Variants in SMAD1 observed in about 807,000 individuals in gnomAD.
SMAD1 encodes the protein MAD, mothers against decapentaplegic homolog 1.
In SMAD1, 6 loss-of-function variants were observed where a neutral mutation model predicts 41.6. That is an observed-to-expected ratio of 0.14 (90% CI 0.08 to 0.28). The LOEUF is 0.28. Ranked by LOEUF, SMAD1 falls within the 10% of genes least tolerant of loss-of-function variation. The pLI is 1.00. For synonymous variants in SMAD1, 206 were observed against 203.2 expected (o/e 1.01, Z -0.12); for missense variants, 379 against 582.6 (o/e 0.65, Z 3.60).
intron 1 of SMAD1, among the ~76,000 whole-genome samples, chr4:145,494,170 C>T (rs1479023304): frequency 6.6e-6 from 1 of 152,166 alleles, no homozygotes; most frequent in African/African-American, 2.4e-5. Context: ...CCATGTTGGC[C>T]AGGCTGGTCT....
chr4:145,524,696 A>T (rs980219352), intron 2 of SMAD1, among the ~76,000 whole-genome samples: 11 of 152,160 alleles, frequency 7.2e-5, no homozygotes, highest in Non-Finnish European at 1.3e-4. Context: ...CAGATCTTTC[A>T]GATTCATTTA....
At chr4:145,522,452 T>C (rs962126107) in intron 2 of SMAD1, among the ~76,000 whole-genome samples, 5 of 151,574 alleles carry the variant, frequency 3.3e-5, no homozygotes, top group Non-Finnish European at 5.9e-5. Flanking sequence ...AAATACAAAA[T>C]TAGCCCACGT....
At chr4:145,484,104 G>A (rs1270709148) in intron 1 of SMAD1, among the ~76,000 whole-genome samples, 3 of 151,956 alleles carry the variant, frequency 2.0e-5, no homozygotes, top group Non-Finnish European at 1.5e-5. Context: ...AGCAATTCTG[G>A]GTTAAATATT....
intron 2 of SMAD1, among the ~76,000 whole-genome samples, 159 bp downstream of exon 2, chr4:145,515,172 G>GTGTGTC (rs1730312389): frequency 6.6e-6 from 1 of 150,718 alleles, no homozygotes; most frequent in African/African-American, 2.5e-5. Flanking sequence ...GTGTGTGTGT[G>GTGTGTC]TGTGTCTGTG....
intron 6 of SMAD1, among the ~76,000 whole-genome samples, chr4:145,555,382 G>A (rs1230895236): frequency 2.0e-5 from 3 of 152,132 alleles, no homozygotes; most frequent in African/African-American, 7.2e-5. Flanking sequence ...GAGTCGAGAT[G>A]CGGTTTCCAG....
chr4:145,540,144 A>G (rs770506073), intron 3 of SMAD1, 83 bp downstream of exon 3: 1 of 1,522,616 alleles, frequency 6.6e-7, no homozygotes, highest in East Asian at 2.3e-5. Flanking sequence ...GTCAACCTGC[A>G]GTGGAGGGAG....
At chr4:145,485,419 G>A (rs1258841191) in intron 1 of SMAD1, among the ~76,000 whole-genome samples, 6 of 152,272 alleles carry the variant, frequency 3.9e-5, no homozygotes, top group African/African-American at 1.4e-4. Flanking sequence ...ATAAAAATTC[G>A]TTTTCTCAGC....
intron 1 of SMAD1, among the ~76,000 whole-genome samples, chr4:145,502,523 A>T (rs940807096): frequency 6.6e-6 from 1 of 152,240 alleles, no homozygotes; most frequent in Non-Finnish European, 1.5e-5. Flanking sequence ...TGTGATTAAG[A>T]AAAATTAACC....
Position 145,540,900 on chromosome 4 carries a change from A to T in SMAD1, c.658+839A>T, listed in dbSNP as rs138880267. Among the ~76,000 whole-genome samples, 711 of 152,288 alleles carry T rather than the reference A, an allele frequency of 4.7e-3. 7 individuals are homozygous for T. Among genetic ancestry groups the T allele is most frequent in the African/African-American group, 0.017 (689 of 41,566 alleles). On this transcript the variant is annotated intron_variant, in intron 3 of 6. Transcript: ENST00000302085. ...ATGTTTTTAAGTAAATTTGAATTCAACATCAGTGCTAGGCCTTCAAAAATT... is the reference window on the plus strand; with the variant it reads ...ATGTTTTTAAGTAAATTTGAATTCATCATCAGTGCTAGGCCTTCAAAAATT...
intron 2 of SMAD1, among the ~76,000 whole-genome samples, chr4:145,532,336 C>T (rs1373773543): frequency 6.6e-6 from 1 of 152,060 alleles, no homozygotes. Flanking sequence ...GAAAAGAGAT[C>T]AGGAAAAGAA....
chr4:145,481,442 TG>T (rs1728164623), upstream of SMAD1: 2 of 152,132 alleles, frequency 1.3e-5, no homozygotes, highest in Non-Finnish European at 2.9e-5. Context: ...AACGATTCAG[TG>T]GGCGCGGTGG....
At chr4:145,484,156 G>T (rs1728347328) in intron 1 of SMAD1, among the ~76,000 whole-genome samples, 1 of 152,148 alleles carries the variant, frequency 6.6e-6, no homozygotes, top group South Asian at 2.1e-4. Flanking sequence ...AGTAGCTTGG[G>T]TATAGTAATT....
intron 1 of SMAD1, among the ~76,000 whole-genome samples, chr4:145,491,098 T>TTTG (rs1728745403): frequency 6.6e-6 from 1 of 152,196 alleles, no homozygotes; most frequent in Non-Finnish European, 1.5e-5. Flanking sequence ...AAACTTTTTA[T>TTTG]AGATTTGATA....
At chr4:145,509,093 G>A (rs1345564383) in intron 1 of SMAD1, among the ~76,000 whole-genome samples, 6 of 152,138 alleles carry the variant, frequency 3.9e-5, no homozygotes, top group African/African-American at 1.4e-4. Context: ...CAGCACATGG[G>A]CCTCTTCTTC....
intron 2 of SMAD1, among the ~76,000 whole-genome samples, chr4:145,520,657 A>G (rs1730689706): frequency 6.6e-6 from 1 of 152,208 alleles, no homozygotes; most frequent in Non-Finnish European, 1.5e-5. Flanking sequence ...GAGCCCTCTA[A>G]CAAGATGGGA....
At chr4:145,537,379 G>A (rs1731667565) in intron 2 of SMAD1, among the ~76,000 whole-genome samples, 1 of 152,156 alleles carries the variant, frequency 6.6e-6, no homozygotes, top group African/African-American at 2.4e-5. Flanking sequence ...GAATGGAGGA[G>A]AGAGAATGAG....
rs1010044107 is a variant in SMAD1 at position 145,519,860 on chromosome 4, G to A, written c.400+4847G>A. On this transcript the variant is annotated intron_variant, in intron 2 of 6. Coordinates refer to ENST00000302085, the MANE Select transcript of SMAD1 (RefSeq NM_005900.3). Reference sequence around the variant, plus strand: ...CTAATTCTACACTCTACTTTTATGAGTCTATTTTAGATTCCACATGTAGTG... The same window carrying A: ...CTAATTCTACACTCTACTTTTATGAATCTATTTTAGATTCCACATGTAGTG... Among the ~76,000 whole-genome samples the A allele has an allele frequency of 2.6e-5, 4 of 152,182 alleles. No individual in the cohort carries two copies. The East Asian group carries it at 7.7e-4, about 29-fold the overall frequency.
chr4:145,553,477 C>T (rs748034492), intron 5 of SMAD1, among the ~76,000 whole-genome samples: 9 of 152,128 alleles, frequency 5.9e-5, no homozygotes, highest in Non-Finnish European at 1.3e-4. Flanking sequence ...ATGCACAGTT[C>T]ACCATAGGGT....
chr4:145,533,609 A>C (rs1278836913), intron 2 of SMAD1, among the ~76,000 whole-genome samples: 1 of 152,154 alleles, frequency 6.6e-6, no homozygotes, highest in Non-Finnish European at 1.5e-5. Context: ...GCTTAAGCCC[A>C]GGAGTTTGAG....
Sources: gnomAD v4.1 joint callset for allele counts (sites outside exome capture counted in the v4.1 genomes callset) on GRCh38, gnomAD v4.1.1 for gene constraint, MANE v1.5 for transcripts, NCBI Gene and HGNC (gene_info 2026-07-23, HGNC 2026-07-21) for gene names.